PTPRD: variants seen among roughly 807,000 people sequenced by gnomAD.
PTPRD encodes the protein receptor-type tyrosine-protein phosphatase delta.
Under a neutral mutation model 214.5 loss-of-function variants are expected in PTPRD, and 34 were observed. The observed-to-expected ratio is 0.16, with a 90% CI of 0.12 to 0.21. The LOEUF (loss-of-function observed/expected upper bound fraction) is 0.21, where lower values mean the gene tolerates loss of function less well. Ranked by LOEUF, PTPRD falls within the 10% of genes least tolerant of loss-of-function variation. The pLI, the probability that PTPRD is intolerant of heterozygous loss-of-function variation, is 1.00. For missense variants in PTPRD, 2,545 were observed against 2,398.7 expected (o/e 1.06, Z -1.27); for synonymous variants, 1,128 against 845.7 (o/e 1.33, Z -5.79).
rs753192942 is a variant in PTPRD at position 8,636,798 on chromosome 9, A to T, written c.111T>A (p.Ser37=). 6.2e-7 allele frequency: 1 copy of T among 1,614,110 alleles called. No homozygotes were observed. Among genetic ancestry groups the T allele is most frequent in the South Asian group, 1.1e-5 (1 of 91,084 alleles). Residue 37 remains serine (S), a synonymous_variant, in exon 13 of 46, where the codon TCT becomes TCA. Coordinates refer to ENST00000381196, the MANE Select transcript of PTPRD (RefSeq NM_002839.4). The stretch of plus-strand genomic sequence containing the variant: ...GGCAGATGAAAGAGGCAACTCCGCC[A>T]GAGACCCCTGTCTGATCAACGGGTG... ...TRTPVDQTGV[S]GGVASFICQA...
intron 11 of PTPRD, among the ~76,000 whole-genome samples, chr9:8,814,714 G>GA (rs1188687235): frequency 1.3e-5 from 2 of 152,192 alleles, no homozygotes; most frequent in East Asian, 3.9e-4. Flanking sequence ...GGATGAGGAA[G>GA]AAGTGAGGTC....
chr9:9,841,394 A>G (rs1482682991), intron 5 of PTPRD, among the ~76,000 whole-genome samples: 1 of 152,062 alleles, frequency 6.6e-6, no homozygotes, highest in Non-Finnish European at 1.5e-5. Flanking sequence ...TCTGTTCCTG[A>G]TGTTAAAATA....
intron 3 of PTPRD, among the ~76,000 whole-genome samples, chr9:10,038,988 G>A (rs10958840): frequency 0.2 from 30,017 of 151,776 alleles, 3,452 homozygotes; most frequent in East Asian, 0.48. Flanking sequence ...GTTGCTTACA[G>A]TGAGTCTAGG....
chr9:9,091,207 G>A, intron 10 of PTPRD: 1 of 1,478,660 alleles, frequency 6.8e-7, no homozygotes, highest in Non-Finnish European at 9.3e-7. Flanking sequence ...ATTTAGACCT[G>A]CGGGTGCTGC....
At chr9:10,563,549 T>C in intron 2 of PTPRD, among the ~76,000 whole-genome samples, 1 of 152,312 alleles carries the variant, frequency 6.6e-6, no homozygotes, top group South Asian at 2.1e-4. Context: ...ATATTACTAA[T>C]GAATTAGTTA....
chr9:9,481,769 A>T (rs994439706), intron 8 of PTPRD, among the ~76,000 whole-genome samples: 3 of 152,120 alleles, frequency 2.0e-5, no homozygotes, highest in Admixed American at 6.6e-5. Context: ...TCAATAGAAG[A>T]GGGCTAGGCC....
chr9:8,617,217 C>T (rs2095642075), intron 14 of PTPRD, among the ~76,000 whole-genome samples: 2 of 152,100 alleles, frequency 1.3e-5, no homozygotes, highest in South Asian at 4.1e-4. Context: ...ACCTAAAATA[C>T]TTGCAGAAAG....
intron 2 of PTPRD, among the ~76,000 whole-genome samples, chr9:10,523,607 A>G (rs1340896457): frequency 1.6e-5 from 2 of 125,602 alleles, no homozygotes; most frequent in Non-Finnish European, 3.4e-5. Context: ...ATCTGTATAT[A>G]TATATATATA....
At chr9:8,670,038 A>G (rs565852870) in intron 12 of PTPRD, among the ~76,000 whole-genome samples, 3 of 150,710 alleles carry the variant, frequency 2.0e-5, no homozygotes, top group African/African-American at 7.3e-5. Flanking sequence ...TTTTTAATTC[A>G]TCAAGTAAGA....
intron 37 of PTPRD, among the ~76,000 whole-genome samples, chr9:8,383,312 G>A (rs1215182113): frequency 6.6e-6 from 1 of 152,176 alleles, no homozygotes; most frequent in Non-Finnish European, 1.5e-5. Flanking sequence ...GACATAGGAG[G>A]AGGAGTGAGT....
chr9:9,148,706 A>G (rs185621815), intron 10 of PTPRD, among the ~76,000 whole-genome samples: 17 of 152,348 alleles, frequency 1.1e-4, no homozygotes, highest in Admixed American at 4.6e-4. Context: ...AAAGCCCACT[A>G]AAGAAAACCC....
At chr9:9,424,440 T>C (rs977295111) in intron 8 of PTPRD, among the ~76,000 whole-genome samples, 1 of 152,182 alleles carries the variant, frequency 6.6e-6, no homozygotes, top group African/African-American at 2.4e-5. Context: ...GCCCACGGCA[T>C]TGTGTAGAAA....
chr9:9,325,998 T>C (rs1969916128), intron 9 of PTPRD, among the ~76,000 whole-genome samples: 1 of 152,132 alleles, frequency 6.6e-6, no homozygotes, highest in Admixed American at 6.6e-5. Context: ...ACTGTGTTTA[T>C]TGATGTGTGT....
chr9:10,085,910 G>C (rs928182073), intron 3 of PTPRD, among the ~76,000 whole-genome samples: 1 of 151,782 alleles, frequency 6.6e-6, no homozygotes, highest in Non-Finnish European at 1.5e-5. Flanking sequence ...CTCTATGAAA[G>C]TCTCTGATCC....
intron 21 of PTPRD, among the ~76,000 whole-genome samples, chr9:8,511,283 G>C (rs2097676006): frequency 6.6e-6 from 1 of 151,924 alleles, no homozygotes; most frequent in African/African-American, 2.4e-5. Flanking sequence ...GTTGCACCAG[G>C]TTGTCTGAAC....
intron 5 of PTPRD, among the ~76,000 whole-genome samples, chr9:9,827,642 C>A (rs995792873): frequency 3.3e-5 from 5 of 152,038 alleles, no homozygotes; most frequent in Non-Finnish European, 1.5e-5. Context: ...GCAACAAAAG[C>A]CAAAACTGAT....
chr9:9,369,199 G>A (rs1308854678), intron 9 of PTPRD, among the ~76,000 whole-genome samples: 2 of 152,006 alleles, frequency 1.3e-5, no homozygotes, highest in South Asian at 2.1e-4. Flanking sequence ...CTTCCACAAT[G>A]GTTGAACTAG....
intron 8 of PTPRD, among the ~76,000 whole-genome samples, chr9:9,429,779 G>A (rs747124049): frequency 2.0e-5 from 3 of 151,830 alleles, no homozygotes; most frequent in Non-Finnish European, 2.9e-5. Context: ...TCCATCATAC[G>A]AACAGAACCC....
chr9:8,739,602 T>G (rs1300731220), intron 11 of PTPRD, among the ~76,000 whole-genome samples: 1 of 152,084 alleles, frequency 6.6e-6, no homozygotes, highest in Non-Finnish European at 1.5e-5. Flanking sequence ...ACTGAAACAA[T>G]GAGGTGAGAA....
Sources: gnomAD v4.1 joint callset for allele counts (sites outside exome capture counted in the v4.1 genomes callset) on GRCh38, gnomAD v4.1.1 for gene constraint, MANE v1.5 for transcripts, NCBI Gene and HGNC (gene_info 2026-07-23, HGNC 2026-07-21) for gene names.